MSRB3: variants seen among roughly 807,000 people sequenced by gnomAD.
MSRB3 encodes the protein methionine sulfoxide reductase B3.
In MSRB3, 13 loss-of-function variants were observed where a neutral mutation model predicts 21.0. That is an observed-to-expected ratio of 0.62 (90% CI 0.40 to 0.98). MSRB3 has a LOEUF of 0.98. MSRB3 is among the 50% of genes least tolerant of loss of function. The pLI is 0.00. For synonymous variants in MSRB3, 87 were observed against 88.6 expected (o/e 0.98, Z 0.10); for missense variants, 199 against 230.3 (o/e 0.86, Z 0.88).
chr12:65,342,314 G>C (rs895402926), intron 4 of MSRB3, among the ~76,000 whole-genome samples: 1 of 151,458 alleles, frequency 6.6e-6, no homozygotes, highest in African/African-American at 2.4e-5. Flanking sequence ...ACAAACCTCA[G>C]AAAAATGGGC....
intron 5 of MSRB3, among the ~76,000 whole-genome samples, chr12:65,395,833 A>G (rs1032812407): frequency 2.6e-5 from 4 of 152,170 alleles, no homozygotes; most frequent in African/African-American, 9.7e-5. Flanking sequence ...GTTAATGTCC[A>G]TGGGATCAAT....
intron 2 of MSRB3, among the ~76,000 whole-genome samples, chr12:65,319,189 C>G (rs961299515): frequency 2.6e-5 from 4 of 152,122 alleles, no homozygotes; most frequent in African/African-American, 9.7e-5. Context: ...TGCCTTACTT[C>G]TCAGTTCCCC....
At chr12:65,396,044 G>A (rs560692342) in intron 5 of MSRB3, among the ~76,000 whole-genome samples, 2 of 151,858 alleles carry the variant, frequency 1.3e-5, no homozygotes, top group South Asian at 4.2e-4. Flanking sequence ...TTTGCTTACT[G>A]TAGATTGTTT....
chr12:65,354,172 T>G (rs139310812), intron 4 of MSRB3, among the ~76,000 whole-genome samples: 7,738 of 152,072 alleles, frequency 0.051, 648 homozygotes, highest in African/African-American at 0.18. Flanking sequence ...TTTCCTTCAT[T>G]TCAACTTTGG....
chr12:65,403,057 G>T (rs1344680665), intron 5 of MSRB3, among the ~76,000 whole-genome samples: 1 of 152,216 alleles, frequency 6.6e-6, no homozygotes. Flanking sequence ...GCTAAGAAGT[G>T]TCTCCCAGTC....
rs10878280 is a variant in MSRB3 at position 65,447,391 on chromosome 12, A to C, written c.293-6337A>C. Among the ~76,000 whole-genome samples the C allele has an allele frequency of 2.6e-5, 4 of 151,966 alleles. No homozygotes were observed. The South Asian group carries it at 8.3e-4, about 31-fold the overall frequency. ...AGGAGCAGAGATATTTTAGGGAATC[A>C]TAGAAAAACTAAAATAAAACAACTC... On this transcript the variant is annotated intron_variant, in intron 5 of 6. Coordinates refer to ENST00000308259, the MANE Select transcript of MSRB3 (RefSeq NM_001031679.3).
chr12:65,430,991 G>T (rs545307581), intron 5 of MSRB3, among the ~76,000 whole-genome samples: 1 of 152,154 alleles, frequency 6.6e-6, no homozygotes, highest in African/African-American at 2.4e-5. Context: ...CTTAAAATTT[G>T]CCTACATAAC....
At chr12:65,448,138 G>T (rs1011525320) in intron 5 of MSRB3, among the ~76,000 whole-genome samples, 3 of 152,176 alleles carry the variant, frequency 2.0e-5, no homozygotes, top group Non-Finnish European at 4.4e-5. Context: ...CTGGAGTGGG[G>T]CAAAGGATAG....
chr12:65,387,299 TC>T (rs1879241973), intron 5 of MSRB3, among the ~76,000 whole-genome samples: 1 of 152,164 alleles, frequency 6.6e-6, no homozygotes, highest in Admixed American at 6.5e-5. Flanking sequence ...TGCCAATTTC[TC>T]CTTTCACCAC....
chr12:65,343,940 G>A (rs1023483073), intron 4 of MSRB3, among the ~76,000 whole-genome samples: 3 of 152,040 alleles, frequency 2.0e-5, no homozygotes, highest in Non-Finnish European at 4.4e-5. Flanking sequence ...TACATGTGAG[G>A]TTTAAAGTCA....
intron 5 of MSRB3, among the ~76,000 whole-genome samples, chr12:65,385,273 C>A (rs1879149601): frequency 6.6e-6 from 1 of 152,024 alleles, no homozygotes; most frequent in Admixed American, 6.5e-5. Context: ...TATTAAATCC[C>A]TTTAAAAATT....
At chr12:65,436,919 G>T (rs1882144807) in intron 5 of MSRB3, among the ~76,000 whole-genome samples, 1 of 151,816 alleles carries the variant, frequency 6.6e-6, no homozygotes, top group African/African-American at 2.4e-5. Flanking sequence ...CTTGTGAAAG[G>T]TACATAATAA....
chr12:65,454,893 A>G lies in MSRB3; in HGVS notation c.390+1068A>G, dbSNP rs972964877. 6.6e-5 allele frequency among the ~76,000 whole-genome samples: 10 copies of G among 152,342 alleles called. No individual in the cohort carries two copies. In the East Asian group the frequency reaches 1.5e-3, roughly 24 times the overall value. ...GACATAGAATCTCCATCTACATGGAATAAGAGCAGCTGCATATTCTATGGA... is the reference window on the plus strand; with the variant it reads ...GACATAGAATCTCCATCTACATGGAGTAAGAGCAGCTGCATATTCTATGGA... On this transcript the variant is annotated intron_variant, in intron 6 of 6. Transcript: ENST00000308259.
At chr12:65,341,010 A>G (rs1876103206) in intron 4 of MSRB3, among the ~76,000 whole-genome samples, 1 of 152,088 alleles carries the variant, frequency 6.6e-6, no homozygotes, top group African/African-American at 2.4e-5. Context: ...CAACTTATTG[A>G]CAAATGTAAA....
At position 65,465,475 on chromosome 12, in the gene MSRB3, A is replaced by C. The variant is rs955474324; in HGVS notation, c.*2153A>C. On this transcript the variant is annotated 3_prime_UTR_variant, in exon 7 of 7. Transcript: ENST00000308259. ...GACATTTGACAATTTTAAAGAAACA[A>C]CAAGAAATTAGAATGAAAATCTGTG... 1.3e-5 allele frequency: 2 copies of C among 152,222 alleles called. No individual in the cohort carries two copies. The highest frequency in any genetic ancestry group is 4.8e-5 in the African/African-American group (2 of 41,444). 9.4% of individuals were successfully genotyped at this position (152,222 alleles called of 1,614,324 possible). A position where few individuals can be genotyped will look rare whatever the true frequency, so the allele number is the denominator to read the frequency against.
chr12:65,347,750 G>T (rs1447089118), intron 4 of MSRB3, among the ~76,000 whole-genome samples: 2 of 152,034 alleles, frequency 1.3e-5, no homozygotes, highest in Non-Finnish European at 2.9e-5. Flanking sequence ...ATTATTTGCA[G>T]ATATGTCCCA....
intron 4 of MSRB3, among the ~76,000 whole-genome samples, chr12:65,332,162 C>G (rs778247401): frequency 6.6e-6 from 1 of 152,146 alleles, no homozygotes; most frequent in African/African-American, 2.4e-5. Context: ...TTTTTAATAT[C>G]AAAATTCTTT....
At chr12:65,462,148 G>A (rs1883357802) in intron 6 of MSRB3, among the ~76,000 whole-genome samples, 1 of 152,114 alleles carries the variant, frequency 6.6e-6, no homozygotes, top group Non-Finnish European at 1.5e-5. Context: ...ATTTACCCCA[G>A]GCTTTGGTTT....
At chr12:65,288,307 CAAAAA>C (rs921177297) in intron 1 of MSRB3, among the ~76,000 whole-genome samples, 1 of 63,792 alleles carries the variant, frequency 1.6e-5, no homozygotes, top group Non-Finnish European at 3.5e-5. Context: ...GTCCCCCCCG[CAAAAA>C]AAAAAAAAAA....
Sources: allele counts gnomAD v4.1 joint callset (sites outside exome capture counted in the v4.1 genomes callset), GRCh38; gene constraint gnomAD v4.1.1; transcripts MANE v1.5; gene names NCBI Gene and HGNC (gene_info 2026-07-23, HGNC 2026-07-21).